PDE1C: variants seen among roughly 807,000 people sequenced by gnomAD.
The protein encoded by PDE1C is phosphodiesterase 1C, also known as dual specificity calcium/calmodulin-dependent 3',5'-cyclic nucleotide phosphodiesterase 1C.
PDE1C carries 62 observed loss-of-function variants against 93.1 expected under a neutral mutation model. The ratio of observed to expected loss-of-function variants is 0.67; its 90% CI spans 0.54 to 0.82. The LOEUF is 0.82. Among genes scored for constraint, PDE1C ranks in the 40% least tolerant of loss-of-function variants. The probability of loss-of-function intolerance (pLI) is 0.00; values close to 1 mark genes in which losing one functional copy is unlikely to be tolerated. For missense variants in PDE1C, 742 were observed against 884.6 expected (o/e 0.84, Z 2.04); for synonymous variants, 325 against 310.1 (o/e 1.05, Z -0.50).
intron 2 of PDE1C, among the ~76,000 whole-genome samples, chr7:32,005,028 T>C (rs1786005095): frequency 6.6e-6 from 1 of 152,162 alleles, no homozygotes; most frequent in Non-Finnish European, 1.5e-5. Flanking sequence ...AAACATTGCC[T>C]CCTTGGACTC....
intron 2 of PDE1C, among the ~76,000 whole-genome samples, chr7:31,992,422 T>C (rs911357591): frequency 2.0e-5 from 3 of 152,204 alleles, no homozygotes; most frequent in Non-Finnish European, 4.4e-5. Flanking sequence ...CTATGATTTG[T>C]GATCACATAT....
At chr7:31,671,567 G>A in the PDE1C span, among the ~76,000 whole-genome samples, 2 of 151,970 alleles carry the variant, frequency 1.3e-5, no homozygotes, top group Non-Finnish European at 2.9e-5. Flanking sequence ...TGCTATGCAC[G>A]ACCCACCCCA....
chr7:32,012,614 G>A (rs1366720091), intron 2 of PDE1C, among the ~76,000 whole-genome samples: 1 of 152,154 alleles, frequency 6.6e-6, no homozygotes, highest in Non-Finnish European at 1.5e-5. Context: ...ATAGGCATAT[G>A]GGGGAGAGGG....
chr7:31,847,107 C>T (rs747398155), intron 9 of PDE1C, among the ~76,000 whole-genome samples: 1 of 152,048 alleles, frequency 6.6e-6, no homozygotes, highest in Non-Finnish European at 1.5e-5. Flanking sequence ...TTTGAAGTAC[C>T]TTAACCTATA....
At chr7:31,880,924 T>C (rs926649446) in intron 2 of PDE1C, 64 bp from the exon 3 acceptor site, 27 of 984,300 alleles carry the variant, frequency 2.7e-5, no homozygotes, top group Middle Eastern at 2.3e-4. Flanking sequence ...CCTACAACTA[T>C]GGTGATACAT....
At chr7:32,137,567 A>AT (rs763650119) in intron 3 of PDE1C, among the ~76,000 whole-genome samples, 12 of 152,176 alleles carry the variant, frequency 7.9e-5, no homozygotes, top group South Asian at 2.1e-4. Context: ...TATTTCCTCC[A>AT]TCCCCTGGAG....
At chr7:32,412,330 C>A (rs944542994) in intron 1 of PDE1C, among the ~76,000 whole-genome samples, 4 of 151,774 alleles carry the variant, frequency 2.6e-5, no homozygotes, top group Non-Finnish European at 5.9e-5. Flanking sequence ...GTGGTGCATG[C>A]CTGTAATCCC....
intron 1 of PDE1C, among the ~76,000 whole-genome samples, chr7:32,380,263 A>C (rs1001920749): frequency 2.5e-4 from 38 of 149,682 alleles, no homozygotes; most frequent in African/African-American, 8.9e-4. Flanking sequence ...TTTGAGATGG[A>C]GCCTCGCTCT....
At chr7:32,079,219 C>T (rs1796521984) in intron 3 of PDE1C, among the ~76,000 whole-genome samples, 1 of 152,204 alleles carries the variant, frequency 6.6e-6, no homozygotes, top group South Asian at 2.1e-4. Context: ...ATGTGCTGCA[C>T]ACTCTGTGAT....
At chr7:32,236,842 G>A (rs1295455412) in intron 1 of PDE1C, among the ~76,000 whole-genome samples, 2 of 152,082 alleles carry the variant, frequency 1.3e-5, no homozygotes, top group Admixed American at 6.5e-5. Context: ...GTACACAAAC[G>A]TTTATGGCAG....
chr7:32,123,832 C>T (rs536531213), intron 3 of PDE1C, among the ~76,000 whole-genome samples: 8 of 152,238 alleles, frequency 5.3e-5, no homozygotes, highest in East Asian at 3.9e-4. Context: ...ACCTATTCAA[C>T]GCAGTATTGG....
At chr7:32,182,934 T>C (rs907732814) in intron 2 of PDE1C, among the ~76,000 whole-genome samples, 15 of 152,192 alleles carry the variant, frequency 9.9e-5, no homozygotes, top group Non-Finnish European at 2.1e-4. Context: ...CTTAAGCCAA[T>C]AGGCAACTTC....
intron 1 of PDE1C, among the ~76,000 whole-genome samples, chr7:32,399,645 C>T (rs1425929414): frequency 5.0e-4 from 73 of 147,414 alleles, no homozygotes; most frequent in Admixed American, 3.4e-4. Flanking sequence ...TGCAGTGGCA[C>T]AATCCCAGCT....
At chr7:31,713,454 G>A in the PDE1C span, among the ~76,000 whole-genome samples, 11 of 152,342 alleles carry the variant, frequency 7.2e-5, no homozygotes, top group African/African-American at 2.6e-4. Context: ...TCGAGTGTCT[G>A]CAGCTTTTCC....
chr7:31,638,255 T>C, the PDE1C span, among the ~76,000 whole-genome samples: 1 of 152,214 alleles, frequency 6.6e-6, no homozygotes, highest in Non-Finnish European at 1.5e-5. Flanking sequence ...GAACTAATTA[T>C]AACAAAGGCA....
intron 2 of PDE1C, among the ~76,000 whole-genome samples, chr7:32,041,656 T>C (rs1337372336): frequency 6.6e-6 from 1 of 152,246 alleles, no homozygotes; most frequent in Admixed American, 6.5e-5. Flanking sequence ...TATTCATGTA[T>C]GACTGATCAC....
intron 1 of PDE1C, among the ~76,000 whole-genome samples, chr7:32,406,531 CAAAA>C (rs5883350): frequency 7.5e-5 from 10 of 133,244 alleles, no homozygotes; most frequent in Middle Eastern, 3.8e-3. Flanking sequence ...CTCCATAATG[CAAAA>C]AAAAAAAAAA....
At chr7:31,673,276 T>C in the PDE1C span, among the ~76,000 whole-genome samples, 1 of 152,226 alleles carries the variant, frequency 6.6e-6, no homozygotes, top group Non-Finnish European at 1.5e-5. Flanking sequence ...GTTTGATTTA[T>C]GAAGTTGAAA....
chr7:32,113,236 A>AATATATATATATATAT (rs35138046), intron 3 of PDE1C, among the ~76,000 whole-genome samples: 1,816 of 93,618 alleles, frequency 0.019, 48 homozygotes, highest in Non-Finnish European at 0.025. Flanking sequence ...ATTGTCCTTA[A>AATATATATATATATAT]ATATATATAT....
Sources: gnomAD v4.1 joint callset for allele counts (sites outside exome capture counted in the v4.1 genomes callset) on GRCh38, gnomAD v4.1.1 for gene constraint, MANE v1.5 for transcripts, NCBI Gene and HGNC (gene_info 2026-07-23, HGNC 2026-07-21) for gene names.